Variants in STK32B observed in about 807,000 individuals in gnomAD.
STK32B encodes the protein serine/threonine-protein kinase 32B.
Under a neutral mutation model 52.6 loss-of-function variants are expected in STK32B, and 43 were observed. The observed-to-expected ratio is 0.82, with a 90% CI of 0.64 to 1.05. The LOEUF (loss-of-function observed/expected upper bound fraction) is 1.05, where lower values mean the gene tolerates loss of function less well. Ranked by LOEUF, STK32B falls within the 50% of genes least tolerant of loss-of-function variation. STK32B has a pLI of 0.00. For missense variants in STK32B, 621 were observed against 534.6 expected (o/e 1.16, Z -1.59); for synonymous variants, 238 against 204.3 (o/e 1.17, Z -1.41).
At position 5,468,911 on chromosome 4, in the gene STK32B, G is replaced by A. The variant is rs374661088; in HGVS notation, c.1106+841G>A. 2.8e-4 allele frequency among the ~76,000 whole-genome samples: 42 copies of A among 152,196 alleles called. No individual in the cohort carries two copies. In the South Asian group the frequency reaches 8.1e-3, roughly 29 times the overall value. ...TAAAAATACAAAAAGTTAGCTGTGC[G>A]CAGTGGCGGGCACCTGTAGTCCCAG... On this transcript the variant is annotated intron_variant, in intron 11 of 11. Transcript: ENST00000282908.
rs62297337 is a variant in STK32B, at chr4:5,395,012, G to T, written c.435-3195G>T. ...GGGCTGCACTCCTTTCTGGAACATG[G>T]GGTGGGGTTCTCTCCCAGGCTCTTG... On this transcript the variant is annotated intron_variant, in intron 4 of 11. Coordinates refer to ENST00000282908, the MANE Select transcript of STK32B (RefSeq NM_018401.3). The surrounding 1 kb of genome is among the most constrained non-coding windows in gnomAD (Gnocchi z 4.4). Among the ~76,000 whole-genome samples, 6,553 of 152,242 alleles carry T rather than the reference G, an allele frequency of 0.043. 366 individuals are homozygous for T. The highest frequency in any genetic ancestry group is 0.16 in the Admixed American group (2,489 of 15,282).
intron 6 of STK32B, among the ~76,000 whole-genome samples, chr4:5,444,726 T>A (rs1464827231): frequency 6.6e-6 from 1 of 152,228 alleles, no homozygotes; most frequent in Non-Finnish European, 1.5e-5. Context: ...AAACTCTTAG[T>A]ATAGATTATC....
chr4:5,433,386 G>T (rs1040488356), intron 6 of STK32B, among the ~76,000 whole-genome samples: 2 of 152,142 alleles, frequency 1.3e-5, no homozygotes, highest in African/African-American at 4.8e-5. Context: ...TGTGCCCATG[G>T]GACCTGTAGG....
At chr4:5,276,740 G>A (rs925327319) in intron 3 of STK32B, among the ~76,000 whole-genome samples, 26 of 152,082 alleles carry the variant, frequency 1.7e-4, no homozygotes, top group African/African-American at 5.1e-4. Context: ...TCATATTACC[G>A]AGAGGGGAAA....
chr4:5,437,987 C>T (rs1266274540), intron 6 of STK32B: 18 of 985,338 alleles, frequency 1.8e-5, no homozygotes, highest in South Asian at 1.4e-4. Context: ...AGACATTTGT[C>T]GCTTGTCTGA....
intron 7 of STK32B, among the ~76,000 whole-genome samples, chr4:5,449,757 T>A (rs2369710): frequency 6.6e-6 from 1 of 151,898 alleles, no homozygotes; most frequent in Admixed American, 6.5e-5. Flanking sequence ...CTCATGGGAG[T>A]GCAAACCCTC....
At chr4:5,165,409 G>A (rs962931992) in intron 2 of STK32B, among the ~76,000 whole-genome samples, 2 of 152,088 alleles carry the variant, frequency 1.3e-5, no homozygotes, top group Non-Finnish European at 2.9e-5. Flanking sequence ...CTGAGCTGAG[G>A]TGAGAGCTGT....
At chr4:5,115,457 T>C (rs552500942) in intron 1 of STK32B, among the ~76,000 whole-genome samples, 1 of 152,282 alleles carries the variant, frequency 6.6e-6, no homozygotes. Context: ...TATAACAGGG[T>C]GGCACACATG....
chr4:5,310,283 T>C (rs564919678), intron 3 of STK32B, among the ~76,000 whole-genome samples: 1 of 152,238 alleles, frequency 6.6e-6, no homozygotes, highest in East Asian at 1.9e-4. Context: ...TTGCAAATTA[T>C]TCAACTGACA....
intron 7 of STK32B, among the ~76,000 whole-genome samples, chr4:5,456,493 C>T (rs1454318224): frequency 1.3e-5 from 2 of 152,220 alleles, no homozygotes; most frequent in African/African-American, 4.8e-5. Context: ...GTGACTGGAG[C>T]AGGGACTCTG....
intron 2 of STK32B, among the ~76,000 whole-genome samples, chr4:5,142,555 G>A (rs1246978996): frequency 6.6e-6 from 1 of 152,206 alleles, no homozygotes; most frequent in Non-Finnish European, 1.5e-5. Flanking sequence ...CATTTATGTT[G>A]TCAAGTGAAT....
At chr4:5,452,310 A>G (rs1453236602) in intron 7 of STK32B, among the ~76,000 whole-genome samples, 1 of 151,986 alleles carries the variant, frequency 6.6e-6, no homozygotes, top group East Asian at 1.9e-4. Flanking sequence ...CTCCGCCGAG[A>G]GGTGAGAGAG....
intron 2 of STK32B, among the ~76,000 whole-genome samples, chr4:5,151,418 C>A (rs10516173): frequency 6.6e-6 from 1 of 151,914 alleles, no homozygotes; most frequent in Non-Finnish European, 1.5e-5. Context: ...AGTTTTGATA[C>A]CTGACATTTA....
intron 3 of STK32B, among the ~76,000 whole-genome samples, chr4:5,323,392 A>G (rs975373277): frequency 7.9e-5 from 12 of 152,178 alleles, no homozygotes; most frequent in African/African-American, 2.9e-4. Context: ...GCCCGAGGGG[A>G]CTGTGCTGAG....
intron 2 of STK32B, among the ~76,000 whole-genome samples, chr4:5,143,124 T>TGTCTGTCTGTC: frequency 6.6e-6 from 1 of 150,612 alleles, no homozygotes; most frequent in Admixed American, 6.6e-5. Context: ...TCTGTCTGTC[T>TGTCTGTCTGTC]GTCTGTCTAT....
intron 1 of STK32B, among the ~76,000 whole-genome samples, chr4:5,111,009 A>C (rs539430805): frequency 6.6e-6 from 1 of 152,290 alleles, no homozygotes; most frequent in African/African-American, 2.4e-5. Context: ...CAAACACATA[A>C]AAATGCTTAA....
At chr4:5,212,177 A>G (rs1480349142) in intron 3 of STK32B, among the ~76,000 whole-genome samples, 6 of 152,188 alleles carry the variant, frequency 3.9e-5, no homozygotes, top group Admixed American at 1.3e-4. Flanking sequence ...ACAGGCCATC[A>G]TTTTTAATTT....
At chr4:5,141,840 G>C (rs910069103) in intron 2 of STK32B, among the ~76,000 whole-genome samples, 2 of 152,146 alleles carry the variant, frequency 1.3e-5, no homozygotes, top group Admixed American at 6.5e-5. Flanking sequence ...TCAGTGGGAT[G>C]AGATTTTCTC....
chr4:5,175,984 G>A (rs986344032), intron 3 of STK32B, among the ~76,000 whole-genome samples: 5 of 152,218 alleles, frequency 3.3e-5, no homozygotes, highest in Non-Finnish European at 5.9e-5. Context: ...GTTTACCTAC[G>A]CAAGCCTTGG....
Sources: allele counts gnomAD v4.1 joint callset (sites outside exome capture counted in the v4.1 genomes callset), GRCh38; gene constraint gnomAD v4.1.1; non-coding constraint Gnocchi (gnomAD v3.1); transcripts MANE v1.5; gene names NCBI Gene and HGNC (gene_info 2026-07-23, HGNC 2026-07-21).